Variants in PHLDB3 observed in about 807,000 individuals in gnomAD.
PHLDB3 encodes pleckstrin homology like domain family B member 3, also known as pleckstrin homology-like domain family B member 3.
In PHLDB3, 86 loss-of-function variants were observed where a neutral mutation model predicts 85.7. The ratio of observed to expected loss-of-function variants is 1.00; its 90% CI spans 0.84 to 1.20. The LOEUF (loss-of-function observed/expected upper bound fraction) is 1.20, where lower values mean the gene tolerates loss of function less well. PHLDB3 is among the 50% of genes most tolerant of loss of function. The pLI, the probability that PHLDB3 is intolerant of heterozygous loss-of-function variation, is 0.00. For synonymous variants in PHLDB3, 376 were observed against 349.8 expected (o/e 1.07, Z -0.83); for missense variants, 995 against 873.0 (o/e 1.14, Z -1.76).
intron 4 of PHLDB3, 74 bp from the exon 5 acceptor site, chr19:43,497,950 C>A: frequency 1.3e-6 from 2 of 1,531,108 alleles, no homozygotes; most frequent in Non-Finnish European, 1.8e-6. Flanking sequence ...TATCTCAGAG[C>A]CTGCCTGGGG....
chr19:43,500,909 A>ACCCCCCCCCCCC (rs1248570317), intron 4 of PHLDB3, among the ~76,000 whole-genome samples: 6 of 17,152 alleles, frequency 3.5e-4, no homozygotes, highest in Non-Finnish European at 5.2e-4. Flanking sequence ...CGCCCCCCGT[A>ACCCCCCCCCCCC]CCCCCCCCCC....
rs749797812 is a variant in PHLDB3 at position 43,487,029 on chromosome 19, C to A, written c.1244G>T (p.Cys415Phe). The change falls in exon 10 of 16, where the codon TGT (cysteine) becomes TTT (phenylalanine). Residue 415 changes from cysteine (C) to phenylalanine (F), a missense_variant. Cys to Phe is a radical substitution (Grantham distance 205, BLOSUM62 -2). Coordinates refer to ENST00000292140, the MANE Select transcript of PHLDB3 (RefSeq NM_198850.4). ...GGGAACAGGGGGATCCTCACCAGTA[C>A]AATGGAAGGACAGAGGTCGGGGGGA... ...RGSPRPLSFH[C>F]TESLEASALP... 1.9e-6 allele frequency: 3 copies of A among 1,565,512 alleles called. No homozygotes were observed. Among genetic ancestry groups the A allele is most frequent in the African/African-American group, 1.4e-5 (1 of 73,548 alleles).
intron 4 of PHLDB3, 44 bp from the exon 5 acceptor site, chr19:43,497,920 G>A (rs1459462645): frequency 6.4e-7 from 1 of 1,563,080 alleles, no homozygotes; most frequent in Non-Finnish European, 8.6e-7. Context: ...AAGCATAGCG[G>A]GAGAAGCAGC....
intron 10 of PHLDB3, 34 bp from the exon 11 acceptor site, chr19:43,486,904 T>C: frequency 6.6e-7 from 1 of 1,509,894 alleles, no homozygotes; most frequent in Non-Finnish European, 8.9e-7. Flanking sequence ...CAGGGCTGGA[T>C]ACACCCTGGC....
chr19:43,486,948 G>C, intron 10 of PHLDB3, 76 bp downstream of exon 10: 1 of 1,478,616 alleles, frequency 6.8e-7, no homozygotes, highest in Non-Finnish European at 9.0e-7. Context: ...GCAGGCATAG[G>C]TGCGGGTTTC....
intron 13 of PHLDB3, among the ~76,000 whole-genome samples, chr19:43,481,760 C>G (rs1016368082): frequency 6.6e-6 from 1 of 150,480 alleles, no homozygotes; most frequent in African/African-American, 2.4e-5. Flanking sequence ...CACCACGGCA[C>G]TCCAGGCTGG....
At chr19:43,485,475 T>C (rs1971134008) in intron 13 of PHLDB3, among the ~76,000 whole-genome samples, 1 of 151,870 alleles carries the variant, frequency 6.6e-6, no homozygotes, top group Admixed American at 6.6e-5. Context: ...CCTCCCAAAG[T>C]GCTGGGATTA....
At chr19:43,496,804 TC>T (rs1204602859) in intron 6 of PHLDB3, 1 of 391,928 alleles carries the variant, frequency 2.6e-6, no homozygotes, top group Non-Finnish European at 4.5e-6. Context: ...CCTGGCTCTG[TC>T]CCTTACTAAG....
At chr19:43,497,599 C>G in intron 5 of PHLDB3, 149 bp downstream of exon 5, 2 of 872,706 alleles carry the variant, frequency 2.3e-6, no homozygotes, top group South Asian at 3.5e-5. Flanking sequence ...GTAGTCCCAG[C>G]TACACGGGAG....
At chr19:43,491,908 G>A (rs575516738) in intron 9 of PHLDB3, among the ~76,000 whole-genome samples, 117 of 145,872 alleles carry the variant, frequency 8.0e-4, no homozygotes, top group Non-Finnish European at 1.6e-3. Flanking sequence ...GCCTCCCAAA[G>A]TGCTAGGATT....
chr19:43,503,915 G>T lies in PHLDB3; in HGVS notation c.204C>A (p.Ser68Arg). ...EVGEGSSTESSRDAPEATPPI... is the reference protein window; with the variant it reads ...EVGEGSSTESRRDAPEATPPI... Reference sequence around the variant, plus strand: ...CCCTCGGGCCCCTCACCGCGTCGCGGCTGCTCTCAGTGCTGCTGCCTTCTC... The same window carrying T: ...CCCTCGGGCCCCTCACCGCGTCGCGTCTGCTCTCAGTGCTGCTGCCTTCTC... The change falls in exon 2 of 16, where the codon AGC becomes AGA. Residue 68 changes from serine to arginine, a missense_variant. Coordinates refer to ENST00000292140, the MANE Select transcript of PHLDB3 (RefSeq NM_198850.4). 1.9e-6 allele frequency: 3 copies of T among 1,613,784 alleles called. No individual in the cohort carries two copies. Among genetic ancestry groups the T allele is most frequent in the Non-Finnish European group, 2.5e-6 (3 of 1,179,790 alleles).
intron 13 of PHLDB3, among the ~76,000 whole-genome samples, chr19:43,485,429 T>G (rs1445309086): frequency 6.6e-6 from 1 of 151,786 alleles, no homozygotes; most frequent in East Asian, 1.9e-4. Context: ...GCCAGGCTGG[T>G]CTTGAACTCC....
chr19:43,501,826 G>A lies in PHLDB3; in HGVS notation c.442C>T (p.Arg148Ter), dbSNP rs752812415. The stretch of plus-strand genomic sequence containing the variant: ...TCCTCCTCCCGGCGAGCGGCCACTC[G>A]CTCCCCAGCCAGCTCACCCCGCAGC... ...ALLRGELAGERVAARREEEQL... is the reference protein window; with the variant it reads ...ALLRGELAGE The change falls in exon 4 of 16, where the codon CGA (arginine) becomes TGA (stop). Residue 148 changes from arginine to a stop codon, truncating the protein, a stop_gained. Transcript: ENST00000292140. LOFTEE classifies it high-confidence loss of function. 6.9e-6 allele frequency: 11 copies of A among 1,589,200 alleles called. No homozygotes were observed. In the African/African-American group the frequency reaches 8.1e-5, roughly 12 times the overall value.
At position 43,486,617 on chromosome 19, in the gene PHLDB3, T is replaced by C. The variant is rs1439231128; in HGVS notation, c.1420A>G (p.Lys474Glu). The C allele has an allele frequency of 1.2e-6, 2 of 1,612,948 alleles. No individual in the cohort carries two copies. The highest frequency in any genetic ancestry group is 1.7e-6 in the Non-Finnish European group (2 of 1,179,652). The stretch of plus-strand genomic sequence containing the variant: ...ATGGCCTGGGCTCTCACCCGGGCCT[T>C]GAGCAGCCGCTCCCTCTCCGCCATG... ...QAMAERERLLKAREGTRRGTE... is the reference protein window; with the variant it reads ...QAMAERERLLEAREGTRRGTE... The change falls in exon 12 of 16, where the codon AAG (lysine) becomes GAG (glutamate). Residue 474 changes from lysine to glutamate, a missense_variant. By Grantham distance (56) the Lys-to-Glu change is moderately conservative. Coordinates refer to ENST00000292140, the MANE Select transcript of PHLDB3 (RefSeq NM_198850.4).
Position 43,479,590 on chromosome 19 carries a change from G to A in PHLDB3, c.1489C>T (p.Pro497Ser), listed in dbSNP as rs1384408873. 1.3e-6 allele frequency: 2 copies of A among 1,489,430 alleles called. 1 individual carries two copies. Among genetic ancestry groups the A allele is most frequent in the Non-Finnish European group, 1.8e-6 (2 of 1,094,730 alleles). 92.3% of individuals were successfully genotyped at this position (1,489,430 alleles called of 1,614,324 possible). Residue 497 changes from proline to serine, a missense_variant, in exon 14 of 16, where the codon CCA (proline) becomes TCA (serine). Pro to Ser is a moderately conservative substitution (Grantham distance 74). Transcript: ENST00000292140. Reference sequence around the variant, plus strand: ...CCTGGAGGGTGGGGTGGGGTGGGTGGGGCCTGGGGAGCAAAGAGACGGGGC... The same window carrying A: ...CCTGGAGGGTGGGGTGGGGTGGGTGAGGCCTGGGGAGCAAAGAGACGGGGC... ...SGPAVPAITAPPTPPHPPGPR... is the reference protein window; with the variant it reads ...SGPAVPAITASPTPPHPPGPR...
At chr19:43,499,774 C>G (rs1362830940) in intron 4 of PHLDB3, among the ~76,000 whole-genome samples, 1 of 152,016 alleles carries the variant, frequency 6.6e-6, no homozygotes, top group East Asian at 2.0e-4. Flanking sequence ...GCTCCCGTTG[C>G]CCAGGCTGGA....
intron 4 of PHLDB3, among the ~76,000 whole-genome samples, chr19:43,499,960 C>G (rs1273471887): frequency 1.3e-5 from 2 of 152,046 alleles, no homozygotes; most frequent in Admixed American, 1.3e-4. Flanking sequence ...AGGCTGGCCT[C>G]GAACTGCGGT....
chr19:43,476,481 C>CA (rs34372149), intron 15 of PHLDB3, among the ~76,000 whole-genome samples: 1 of 151,698 alleles, frequency 6.6e-6, no homozygotes, highest in Admixed American at 6.6e-5. Context: ...CCCATCTCTA[C>CA]AAAAAAATAC....
Position 43,502,091 on chromosome 19 carries a change from G to C in PHLDB3, c.396+10C>G, listed in dbSNP as rs760792861. On this transcript the variant is annotated intron_variant, in intron 3 of 15. Coordinates refer to ENST00000292140, the MANE Select transcript of PHLDB3 (RefSeq NM_198850.4). ...TGGGGCCAGGCTTCCCAAGGGGTCCGCAGCCTCACCTCGATCCTCAGCTCC... is the reference window on the plus strand; with the variant it reads ...TGGGGCCAGGCTTCCCAAGGGGTCCCCAGCCTCACCTCGATCCTCAGCTCC... 3.8e-5 allele frequency: 60 copies of C among 1,563,366 alleles called. No individual in the cohort carries two copies. The highest frequency in any genetic ancestry group is 5.0e-5 in the Non-Finnish European group (58 of 1,154,608).
Sources: allele counts gnomAD v4.1 joint callset (sites outside exome capture counted in the v4.1 genomes callset), GRCh38; gene constraint gnomAD v4.1.1; transcripts MANE v1.5; gene names NCBI Gene and HGNC (gene_info 2026-07-23, HGNC 2026-07-21).